DTD1: variants seen among roughly 807,000 people sequenced by gnomAD.
The protein encoded by DTD1 is D-tyrosyl-tRNA deacylase 1 homolog.
Under a neutral mutation model 25.6 loss-of-function variants are expected in DTD1, and 13 were observed. The ratio of observed to expected loss-of-function variants is 0.51; its 90% CI spans 0.33 to 0.81. DTD1 has a LOEUF of 0.81. Among genes scored for constraint, DTD1 ranks in the 30% least tolerant of loss-of-function variants. DTD1 has a pLI of 0.02. For missense variants in DTD1, 193 were observed against 266.4 expected (o/e 0.72, Z 1.92); for synonymous variants, 110 against 103.6 (o/e 1.06, Z -0.37).
intron 4 of DTD1, among the ~76,000 whole-genome samples, chr20:18,657,337 A>AT (rs1207043668): frequency 6.6e-6 from 1 of 152,244 alleles, no homozygotes; most frequent in Non-Finnish European, 1.5e-5. Flanking sequence ...CTGAAAAAAA[A>AT]CAAGGGGAAA....
Position 18,764,847 on chromosome 20 carries a change from C to A in DTD1, c.*1507C>A, listed in dbSNP as rs1470506303. ...TAAGCAGGGTTTTACAGAGTGAATTCAAATTCACTTTAAAGCTACTTGAAC... is the reference window on the plus strand; with the variant it reads ...TAAGCAGGGTTTTACAGAGTGAATTAAAATTCACTTTAAAGCTACTTGAAC... On this transcript the variant is annotated 3_prime_UTR_variant, in exon 6 of 6. Coordinates refer to ENST00000377452, the MANE Select transcript of DTD1 (RefSeq NM_080820.6). 6.6e-6 allele frequency: 1 copy of A among 152,218 alleles called. No individual in the cohort carries two copies. The highest frequency in any genetic ancestry group is 2.4e-5 in the African/African-American group (1 of 41,464). 9.4% of individuals were successfully genotyped at this position (152,218 alleles called of 1,614,324 possible). A position where few individuals can be genotyped will look rare whatever the true frequency, so the allele number is the denominator to read the frequency against.
intron 3 of DTD1, among the ~76,000 whole-genome samples, chr20:18,606,779 G>T (rs1600313441): frequency 2.0e-4 from 1 of 4,900 alleles, no homozygotes; most frequent in Non-Finnish European, 3.1e-3. Flanking sequence ...GGACTGTGGT[G>T]GGGGGGGGGA....
chr20:18,628,337 C>A, intron 4 of DTD1, 104 bp downstream of exon 4: 1 of 863,924 alleles, frequency 1.2e-6, no homozygotes. Flanking sequence ...ATTGTTGCAA[C>A]GTTGTATTTA....
intron 3 of DTD1, among the ~76,000 whole-genome samples, chr20:18,614,537 G>C (rs1346944839): frequency 1.3e-5 from 2 of 152,106 alleles, no homozygotes; most frequent in Non-Finnish European, 2.9e-5. Context: ...AGAGGTTCAG[G>C]GACAGACTTG....
At chr20:18,758,737 G>A (rs1568692381) in intron 5 of DTD1, among the ~76,000 whole-genome samples, 1 of 152,182 alleles carries the variant, frequency 6.6e-6, no homozygotes, top group African/African-American at 2.4e-5. Context: ...TGAAAAGAAC[G>A]TATATCCTGT....
chr20:18,642,710 C>T (rs2060833989), intron 4 of DTD1: 1 of 152,532 alleles, frequency 6.6e-6, no homozygotes, highest in Non-Finnish European at 1.5e-5. Context: ...TGTTCTGGCT[C>T]TAGGGAAGTG....
intron 4 of DTD1, among the ~76,000 whole-genome samples, chr20:18,667,786 C>T (rs987225110): frequency 7.9e-5 from 12 of 152,164 alleles, no homozygotes; most frequent in Admixed American, 5.9e-4. Flanking sequence ...CCCACCTGAG[C>T]GCCCTCTCCC....
intron 4 of DTD1, among the ~76,000 whole-genome samples, chr20:18,718,580 A>C (rs76931022): frequency 1.3e-5 from 2 of 152,260 alleles, no homozygotes; most frequent in African/African-American, 4.8e-5. Context: ...AATGTGTACT[A>C]TGCAATGCTA....
intron 1 of DTD1, among the ~76,000 whole-genome samples, chr20:18,591,172 C>G (rs1267103643): frequency 1.3e-5 from 2 of 152,132 alleles, no homozygotes; most frequent in African/African-American, 4.8e-5. Context: ...TTCTACTTGT[C>G]CCTGGAGGGG....
At chr20:18,597,258 T>A (rs1411747652) in intron 3 of DTD1, among the ~76,000 whole-genome samples, 1 of 151,876 alleles carries the variant, frequency 6.6e-6, no homozygotes, top group Admixed American at 6.6e-5. Context: ...TTTCTAAGTT[T>A]TTAACATTCA....
intron 4 of DTD1, among the ~76,000 whole-genome samples, chr20:18,672,162 A>G (rs866923925): frequency 2.4e-4 from 37 of 152,324 alleles, no homozygotes; most frequent in African/African-American, 7.7e-4. Context: ...TGAGTCCAGG[A>G]GGTCAAGGCT....
At chr20:18,757,777 T>C (rs2061345163) in intron 5 of DTD1, among the ~76,000 whole-genome samples, 1 of 152,242 alleles carries the variant, frequency 6.6e-6, no homozygotes, top group Non-Finnish European at 1.5e-5. Context: ...AGGATGATGC[T>C]GGCCTCATAA....
At chr20:18,679,443 G>A (rs1037961827) in intron 4 of DTD1, among the ~76,000 whole-genome samples, 1 of 152,166 alleles carries the variant, frequency 6.6e-6, no homozygotes, top group African/African-American at 2.4e-5. Flanking sequence ...TAAGGAGTCT[G>A]GGAACTTGAG....
chr20:18,596,343 T>C, intron 3 of DTD1, 102 bp downstream of exon 3: 1 of 926,390 alleles, frequency 1.1e-6, no homozygotes, highest in East Asian at 2.6e-5. Flanking sequence ...GGAAAGTCAT[T>C]GTTTATGCTT....
intron 4 of DTD1, among the ~76,000 whole-genome samples, chr20:18,741,538 C>A (rs1407822154): frequency 6.6e-6 from 1 of 152,168 alleles, no homozygotes; most frequent in East Asian, 1.9e-4. Flanking sequence ...CCATTATCCT[C>A]TTTCCCCTCC....
At chr20:18,662,066 C>T (rs747190843) in intron 4 of DTD1, among the ~76,000 whole-genome samples, 7 of 151,976 alleles carry the variant, frequency 4.6e-5, no homozygotes, top group Non-Finnish European at 8.8e-5. Flanking sequence ...GTGGGAGGAT[C>T]GCTTGAGGCC....
At position 18,744,584 on chromosome 20, in the gene DTD1, G is replaced by A. The variant is rs117325418; in HGVS notation, c.*19+313G>A. Among the ~76,000 whole-genome samples the A allele has an allele frequency of 2.5e-3, 352 of 141,944 alleles. 8 individuals are homozygous for A. Among genetic ancestry groups the A allele is most frequent in the Admixed American group, 0.021 (282 of 13,416 alleles). The allele number at this position is 141,944 out of a possible 152,430, so 93.1% of individuals were successfully genotyped here. A position where few individuals can be genotyped will look rare whatever the true frequency, so the allele number is the denominator to read the frequency against. ...GCATTTCTTACATGGCGGCAGGCAA[G>A]AGAGTATAAGGGTCAAGCACTCCAG... On this transcript the variant is annotated intron_variant, in intron 5 of 5. Transcript: ENST00000377452.
intron 4 of DTD1, among the ~76,000 whole-genome samples, chr20:18,731,576 A>G (rs936660225): frequency 2.6e-5 from 4 of 152,108 alleles, no homozygotes; most frequent in African/African-American, 9.7e-5. Flanking sequence ...CAATTTCTTT[A>G]TGTATTTTTT....
rs749223144 is a variant in DTD1, at chr20:18,764,273, T to C, written c.*933T>C. On this transcript the variant is annotated 3_prime_UTR_variant, in exon 6 of 6. Transcript: ENST00000377452. ...GTGCAGATACCCTTTATCCAGTAGC[T>C]ACATGGTTGTCCATGTATCCAAGTC... 6.6e-6 allele frequency: 1 copy of C among 152,232 alleles called. No individual in the cohort carries two copies. Among genetic ancestry groups the C allele is most frequent in the South Asian group, 2.1e-4 (1 of 4,830 alleles). The allele number at this position is 152,232 out of a possible 1,614,324, so 9.4% of individuals were successfully genotyped here. A position where few individuals can be genotyped will look rare whatever the true frequency, so the allele number is the denominator to read the frequency against.
Sources: gnomAD v4.1 joint callset for allele counts (sites outside exome capture counted in the v4.1 genomes callset) on GRCh38, gnomAD v4.1.1 for gene constraint, MANE v1.5 for transcripts, NCBI Gene and HGNC (gene_info 2026-07-23, HGNC 2026-07-21) for gene names.